UFC1: variants seen among roughly 807,000 people sequenced by gnomAD.
The protein encoded by UFC1 is ubiquitin-fold modifier-conjugating enzyme 1.
A neutral mutation model predicts 28.0 loss-of-function variants in UFC1; 22 were observed. That is an observed-to-expected ratio of 0.78 (90% CI 0.56 to 1.12). UFC1 has a LOEUF of 1.12. Among genes scored for constraint, UFC1 ranks in the 50% most tolerant of loss-of-function variants. The pLI, the probability that UFC1 is intolerant of heterozygous loss-of-function variation, is 0.00. For synonymous variants in UFC1, 61 were observed against 74.5 expected (o/e 0.82, Z 0.93); for missense variants, 189 against 207.8 (o/e 0.91, Z 0.56).
In UFC1 at chr1:161,154,033, G is replaced by C. The variant is rs1657433539; in HGVS notation, c.36G>C (p.Glu12Asp). The C allele has an allele frequency of 5.0e-6, 8 of 1,614,190 alleles. No individual in the cohort carries two copies. The highest frequency in any genetic ancestry group is 6.8e-6 in the Non-Finnish European group (8 of 1,180,046). Reference protein sequence around the residue: ...ADEATRRVVSEIPVLKTNAGP... With the variant: ...ADEATRRVVSDIPVLKTNAGP... ...AAGCCACGCGACGTGTTGTGTCTGAGATCCCGGTGCTGAAGACTAACGCCG... is the reference window on the plus strand; with the variant it reads ...AAGCCACGCGACGTGTTGTGTCTGACATCCCGGTGCTGAAGACTAACGCCG... Residue 12 changes from glutamate (E) to aspartate (D), a missense_variant, in exon 1 of 6, where the codon GAG becomes GAC. By Grantham distance (45) the Glu-to-Asp change is conservative (BLOSUM62 2). Transcript: ENST00000368003.
chr1:161,154,038 C>T lies in UFC1; in HGVS notation c.41C>T (p.Pro14Leu), dbSNP rs765871516. Residue 14 changes from proline to leucine, a missense_variant, in exon 1 of 6, where the codon CCG becomes CTG. Physicochemically the swap from Pro to Leu is moderately conservative, Grantham distance 98 (BLOSUM62 -3). Coordinates refer to ENST00000368003, the MANE Select transcript of UFC1 (RefSeq NM_016406.4). The part of the protein sequence containing the change: ...EATRRVVSEI[P>L]VLKTNAGPRD... ...ACGCGACGTGTTGTGTCTGAGATCC[C>T]GGTGCTGAAGACTAACGCCGGACCC... is the stretch of plus-strand genomic sequence containing the variant. The T allele has an allele frequency of 3.7e-6, 6 of 1,613,920 alleles. No homozygotes were observed. The African/African-American group carries it at 8.0e-5, about 22-fold the overall frequency.
intron 1 of UFC1, among the ~76,000 whole-genome samples, chr1:161,155,788 C>G (rs1336381180): frequency 6.6e-6 from 1 of 152,140 alleles, no homozygotes; most frequent in African/African-American, 2.4e-5. Context: ...ATACTGCCAC[C>G]TGAAATTGAT....
intron 1 of UFC1, among the ~76,000 whole-genome samples, chr1:161,155,553 G>T (rs909547974): frequency 1.3e-5 from 2 of 152,098 alleles, no homozygotes; most frequent in Non-Finnish European, 2.9e-5. Flanking sequence ...GGCAATAAGG[G>T]GAAAATACAA....
At chr1:161,157,160 C>T in intron 2 of UFC1, 94 bp from the exon 3 acceptor site, 2 of 1,556,192 alleles carry the variant, frequency 1.3e-6, no homozygotes, top group African/African-American at 1.4e-5. Flanking sequence ...CAGTTCCCAT[C>T]CTATGAGTCT....
chr1:161,154,247 G>A, intron 1 of UFC1, 127 bp downstream of exon 1: 4 of 1,444,960 alleles, frequency 2.8e-6, no homozygotes, highest in Non-Finnish European at 3.8e-6. Flanking sequence ...CATAGAAATG[G>A]GACTATTGTG....
intron 1 of UFC1, among the ~76,000 whole-genome samples, chr1:161,154,745 T>G (rs899489030): frequency 3.9e-5 from 6 of 152,170 alleles, no homozygotes; most frequent in Admixed American, 3.9e-4. Context: ...CGCCTCGGCC[T>G]CCCAAAGTGC....
At chr1:161,158,000 A>G in intron 4 of UFC1, 121 bp from the exon 5 acceptor site, 1 of 887,226 alleles carries the variant, frequency 1.1e-6, no homozygotes, top group Non-Finnish European at 1.8e-6. Context: ...AGCCTAAGCA[A>G]AGTACTTAGC....
intron 1 of UFC1, among the ~76,000 whole-genome samples, chr1:161,156,366 TAAA>T (rs879622245): frequency 7.4e-6 from 1 of 135,286 alleles, no homozygotes; most frequent in Non-Finnish European, 1.6e-5. Flanking sequence ...CCATCTCTAC[TAAA>T]AAAAAAAAAA....
chr1:161,154,166 G>C (rs760394963), intron 1 of UFC1, 46 bp downstream of exon 1: 1 of 1,608,112 alleles, frequency 6.2e-7, no homozygotes, highest in African/African-American at 1.3e-5. Context: ...AGGGTTGGGA[G>C]AAATCAGGTG....
intron 5 of UFC1, 37 bp from the exon 6 acceptor site, chr1:161,158,375 C>T: frequency 6.2e-7 from 1 of 1,612,024 alleles, no homozygotes; most frequent in South Asian, 1.1e-5. Context: ...GAAGCATTGA[C>T]TGGTAGTAAT....
rs1027537691 is a variant in UFC1, at chr1:161,154,482, C to A, written c.123+362C>A. On this transcript the variant is annotated intron_variant, in intron 1 of 5. Transcript: ENST00000368003. ...GCATCTCTCTGCCCCCTTCTTCACTCTTCACTGTTTTGTTTGTTTGTTTGA... is the reference window on the plus strand; with the variant it reads ...GCATCTCTCTGCCCCCTTCTTCACTATTCACTGTTTTGTTTGTTTGTTTGA... Among the ~76,000 whole-genome samples, 4 of 152,160 alleles carry A rather than the reference C, an allele frequency of 2.6e-5. No individual in the cohort carries two copies. The South Asian group carries it at 8.3e-4, about 32-fold the overall frequency.
rs1321126287 is a variant in UFC1 at position 161,158,122 on chromosome 1, G to A, written c.334G>A (p.Gly112Ser). The A allele has an allele frequency of 1.2e-6, 2 of 1,614,052 alleles. No individual in the cohort carries two copies. Among genetic ancestry groups the A allele is most frequent in the South Asian group, 1.1e-5 (1 of 91,068 alleles). Reference protein sequence around the residue: ...LDGKTAKMYRGGKICLTDHFK... With the variant: ...LDGKTAKMYRSGKICLTDHFK... ...ACCTTCTTCATGTCCCTCTCATAGG[G>A]GTGGCAAAATATGCCTGACGGATCA... is the stretch of plus-strand genomic sequence containing the variant. Residue 112 changes from glycine (G) to serine (S), a missense_variant and splice_region_variant, in exon 5 of 6, where the codon GGT becomes AGT. Transcript: ENST00000368003.
rs769025170 is a variant in UFC1 at position 161,157,700 on chromosome 1, C to T, written c.332+7C>T. 4 of 1,612,812 alleles carry T rather than the reference C, an allele frequency of 2.5e-6. No individual in the cohort carries two copies. Among genetic ancestry groups the T allele is most frequent in the Non-Finnish European group, 3.4e-6 (4 of 1,179,012 alleles). ...AGACAGCAAAGATGTACAGGTAGGACTGAATAGGAGATGGCAAAGAGTCAA... is the reference window on the plus strand; with the variant it reads ...AGACAGCAAAGATGTACAGGTAGGATTGAATAGGAGATGGCAAAGAGTCAA... On this transcript the variant is annotated splice_region_variant and intron_variant, in intron 4 of 5. Coordinates refer to ENST00000368003, the MANE Select transcript of UFC1 (RefSeq NM_016406.4).
chr1:161,158,350 C>G (rs1012780511), intron 5 of UFC1, 62 bp from the exon 6 acceptor site: 3 of 1,601,808 alleles, frequency 1.9e-6, no homozygotes, highest in African/African-American at 2.7e-5. Context: ...CAGGAAGGAG[C>G]TTCTAATGGA....
rs759253222 is a variant in UFC1, at chr1:161,158,153, A to C, written c.365A>C (p.Lys122Thr). 4 of 1,614,068 alleles carry C rather than the reference A, an allele frequency of 2.5e-6. No individual in the cohort carries two copies. The African/African-American group carries it at 5.3e-5, about 22-fold the overall frequency. The change falls in exon 5 of 6, where the codon AAA becomes ACA. Residue 122 changes from lysine to threonine, a missense_variant. Coordinates refer to ENST00000368003, the MANE Select transcript of UFC1 (RefSeq NM_016406.4). The part of the protein sequence containing the change: ...GGKICLTDHF[K>T]PLWARNVPKF... Reference sequence around the variant, plus strand: ...AAAATATGCCTGACGGATCATTTCAAACCTTTGTGGGCCAGGAATGTGCCC... The same window carrying C: ...AAAATATGCCTGACGGATCATTTCACACCTTTGTGGGCCAGGAATGTGCCC...
chr1:161,157,843 G>C, intron 4 of UFC1, 150 bp downstream of exon 4: 1 of 687,368 alleles, frequency 1.5e-6, no homozygotes. Context: ...ACCATGGCAC[G>C]TTTACCTATG....
chr1:161,158,415 G>A lies in UFC1; in HGVS notation c.427G>A (p.Gly143Ser). 1 of 1,614,168 alleles carries A rather than the reference G, an allele frequency of 6.2e-7. No homozygotes were observed. Residue 143 changes from glycine (G) to serine (S), a missense_variant, in exon 6 of 6, where the codon GGT becomes AGT. Coordinates refer to ENST00000368003, the MANE Select transcript of UFC1 (RefSeq NM_016406.4). Reference protein sequence around the residue: ...GLAHLMALGLGPWLAVEIPDL... With the variant: ...GLAHLMALGLSPWLAVEIPDL... ...CAGGATTTTCCTTGTATTGCAGCTG[G>A]GTCCATGGCTGGCAGTGGAAATCCC...
rs1447206960 is a variant in UFC1 at position 161,154,138 on chromosome 1, A to G, written c.123+18A>G. 2 of 1,613,760 alleles carry G rather than the reference A, an allele frequency of 1.2e-6. No homozygotes were observed. Among genetic ancestry groups the G allele is most frequent in the East Asian group, 2.2e-5 (1 of 44,874 alleles). ...TTATCCGGGTTAGTTGTGTTTCTAC[A>G]GTCTAACGCGTAGCATAAGGGTTGG... On this transcript the variant is annotated intron_variant, in intron 1 of 5. Transcript: ENST00000368003.
At chr1:161,157,914 A>C (rs1285030394) in intron 4 of UFC1, 8 of 639,488 alleles carry the variant, frequency 1.3e-5, no homozygotes, top group African/African-American at 7.4e-5. Flanking sequence ...GGAAAAAAAA[A>C]AAAAGGAAGA....
Sources: gnomAD v4.1 joint callset for allele counts (sites outside exome capture counted in the v4.1 genomes callset) on GRCh38, gnomAD v4.1.1 for gene constraint, MANE v1.5 for transcripts, NCBI Gene and HGNC (gene_info 2026-07-23, HGNC 2026-07-21) for gene names.